SART1: variants seen among roughly 807,000 people sequenced by gnomAD.
The protein encoded by SART1 is U4/U6.U5 tri-snRNP-associated protein 1.
A neutral mutation model predicts 105.0 loss-of-function variants in SART1; 28 were observed. The observed-to-expected ratio is 0.27, with a 90% CI of 0.20 to 0.37. SART1 has a LOEUF of 0.37. Ranked by LOEUF, SART1 falls within the 10% of genes least tolerant of loss-of-function variation. The pLI is 1.00. For synonymous variants in SART1, 472 were observed against 462.9 expected (o/e 1.02, Z -0.25); for missense variants, 894 against 1,106.5 (o/e 0.81, Z 2.72).
At chr11:65,977,950 A>AGCCCAGGGCCATGCAAT (rs1855518297) in intron 17 of SART1, 51 bp downstream of exon 17, 3 of 1,582,446 alleles carry the variant, frequency 1.9e-6, no homozygotes, top group Non-Finnish European at 2.6e-6. Context: ...AGGGAGGCCA[A>AGCCCAGGGCCATGCAAT]GCCCAGGGCC....
chr11:65,964,445 G>C, intron 2 of SART1, 70 bp from the exon 3 acceptor site: 3 of 1,569,064 alleles, frequency 1.9e-6, no homozygotes, highest in South Asian at 1.1e-5. Flanking sequence ...TTCTCCTCTT[G>C]TCTGTCTGGA....
intron 12 of SART1, among the ~76,000 whole-genome samples, chr11:65,969,276 C>T (rs1335081756): frequency 6.6e-6 from 1 of 152,110 alleles, no homozygotes; most frequent in East Asian, 1.9e-4. Flanking sequence ...TGGCTGGGTT[C>T]CAGTAATACT....
chr11:65,976,912 T>G lies in SART1; in HGVS notation c.1858-102T>G. The G allele has an allele frequency of 8.5e-7, 1 of 1,179,764 alleles. No homozygotes were observed. Among genetic ancestry groups the G allele is most frequent in the Non-Finnish European group, 1.2e-6 (1 of 802,940 alleles). 73.1% of individuals were successfully genotyped at this position (1,179,764 alleles called of 1,614,324 possible). On this transcript the variant is annotated intron_variant, in intron 14 of 19. Coordinates refer to ENST00000312397, the MANE Select transcript of SART1 (RefSeq NM_005146.5). The surrounding 1 kb of genome is among the most constrained non-coding windows in gnomAD (Gnocchi z 5.1). ...GCGATCTGAGGAGTAAATGAGGAAA[T>G]TAAATGTTGTGGAGGGCTGGTGCCT... is the stretch of plus-strand genomic sequence containing the variant.
Position 65,965,539 on chromosome 11 carries a change from G to C in SART1, c.660+92G>C, listed in dbSNP as rs1211483028. 23 of 1,403,044 alleles carry C rather than the reference G, an allele frequency of 1.6e-5. 2 individuals are homozygous for C. In the South Asian group the frequency reaches 2.4e-4, roughly 15 times the overall value. 86.9% of individuals were successfully genotyped at this position (1,403,044 alleles called of 1,614,324 possible). A position where few individuals can be genotyped will look rare whatever the true frequency, so the allele number is the denominator to read the frequency against. On this transcript the variant is annotated intron_variant, in intron 5 of 19. Coordinates refer to ENST00000312397, the MANE Select transcript of SART1 (RefSeq NM_005146.5). ...GGCCAACCCCAGAGAGGTGAGACGG[G>C]GCTTGGAGAAGGGAAGGGCCGTGGT...
Position 65,965,166 on chromosome 11 carries a change from C to T in SART1, c.502C>T (p.Arg168Trp), listed in dbSNP as rs759390927. 20 of 1,606,376 alleles carry T rather than the reference C, an allele frequency of 1.2e-5. No individual in the cohort carries two copies. The Middle Eastern group carries it at 5.1e-4, about 41-fold the overall frequency. ...PMALRQREEL[R>W]EKLAAAKEKR... Reference sequence around the variant, plus strand: ...GGCCTTGCGACAGCGAGAGGAGCTGCGGGAGAAGCTGGCGGCTGCCAAGGA... The same window carrying T: ...GGCCTTGCGACAGCGAGAGGAGCTGTGGGAGAAGCTGGCGGCTGCCAAGGA... Residue 168 changes from arginine to tryptophan, a missense_variant, in exon 4 of 20, where the codon CGG becomes TGG. By Grantham distance (101) the Arg-to-Trp change is moderately radical. Around this residue, in one of 2 missense-constraint regions of SART1, gnomAD observed 712 missense variants for 778.2 expected, o/e 0.91. Coordinates refer to ENST00000312397, the MANE Select transcript of SART1 (RefSeq NM_005146.5).
intron 10 of SART1, 37 bp from the exon 11 acceptor site, chr11:65,967,434 G>C (rs772553166): frequency 3.3e-5 from 53 of 1,613,576 alleles, no homozygotes; most frequent in Non-Finnish European, 4.4e-5. Context: ...GGGTGGCCTG[G>C]GGACCGGTGC....
intron 12 of SART1, among the ~76,000 whole-genome samples, chr11:65,974,371 C>CAAAA (rs55994535): frequency 3.1e-5 from 2 of 65,250 alleles, no homozygotes; most frequent in Non-Finnish European, 5.6e-5. Context: ...GACTCTGTCT[C>CAAAA]AAAAAAAAAA....
Position 65,979,187 on chromosome 11 carries a change from A to C in SART1, c.*157A>C. On this transcript the variant is annotated 3_prime_UTR_variant, in exon 20 of 20. Coordinates refer to ENST00000312397, the MANE Select transcript of SART1 (RefSeq NM_005146.5). ...CTGCTAGGTGAGACCTGGCCATCAA[A>C]TGACACAAACAACTAAACGATGGAA... 1.1e-6 allele frequency: 1 copy of C among 883,830 alleles called. No homozygotes were observed. Among genetic ancestry groups the C allele is most frequent in the Non-Finnish European group, 1.8e-6 (1 of 561,792 alleles). The allele number at this position is 883,830 out of a possible 1,614,324, so 54.7% of individuals were successfully genotyped here. A position where few individuals can be genotyped will look rare whatever the true frequency, so the allele number is the denominator to read the frequency against.
chr11:65,976,862 G>A lies in SART1; in HGVS notation c.1857+96G>A. 1 of 1,208,594 alleles carries A rather than the reference G, an allele frequency of 8.3e-7. No homozygotes were observed. Among genetic ancestry groups the A allele is most frequent in the Non-Finnish European group, 1.2e-6 (1 of 844,666 alleles). The allele number at this position is 1,208,594 out of a possible 1,614,324, so 74.9% of individuals were successfully genotyped here. On this transcript the variant is annotated intron_variant, in intron 14 of 19. Coordinates refer to ENST00000312397, the MANE Select transcript of SART1 (RefSeq NM_005146.5). The surrounding 1 kb of genome is among the most constrained non-coding windows in gnomAD (Gnocchi z 5.1). ...TCCAGAGCCTCAGCCTCCTCATCCA[G>A]AGTGGGCTCTGCAGACCTCCCAGGG...
At chr11:65,967,942 TG>T in intron 12 of SART1, 121 bp downstream of exon 12, 6 of 802,308 alleles carry the variant, frequency 7.5e-6, no homozygotes, top group African/African-American at 2.0e-5. Flanking sequence ...TTTTGTTTTC[TG>T]GGTTTGTTTT....
At chr11:65,975,843 G>A (rs1431514186) in intron 12 of SART1, among the ~76,000 whole-genome samples, 1 of 152,118 alleles carries the variant, frequency 6.6e-6, no homozygotes. Context: ...CGACAGGAGG[G>A]AAAGCAGAGG....
intron 12 of SART1, among the ~76,000 whole-genome samples, chr11:65,972,987 A>G (rs542705380): frequency 2.6e-5 from 4 of 152,242 alleles, no homozygotes; most frequent in East Asian, 1.9e-4. Flanking sequence ...TGGTCAACAC[A>G]GTGAAACCCT....
intron 12 of SART1, among the ~76,000 whole-genome samples, chr11:65,970,785 AGC>A (rs1855360825): frequency 2.4e-5 from 3 of 127,220 alleles, no homozygotes; most frequent in South Asian, 2.9e-4. Flanking sequence ...GGAATTCATG[AGC>A]TGCTGAGGGA....
rs1409703452 is a variant in SART1, at chr11:65,966,528, C to T, written c.1160C>T (p.Ala387Val). The T allele has an allele frequency of 6.4e-7, 1 of 1,558,488 alleles. No individual in the cohort carries two copies. The highest frequency in any genetic ancestry group is 8.7e-7 in the Non-Finnish European group (1 of 1,153,786). The change falls in exon 9 of 20, where the codon GCC (alanine) becomes GTC (valine). Residue 387 changes from alanine (A) to valine (V), a missense_variant. Coordinates refer to ENST00000312397, the MANE Select transcript of SART1 (RefSeq NM_005146.5). ...CTGAGCACAGTGGGGCCCCGGCTGG[C>T]CTCCGAATACCTCACGCCTGAGGAG... ...QSLSTVGPRL[A>V]SEYLTPEEMV...
Position 65,979,450 on chromosome 11 carries a change from C to G in SART1, c.*420C>G. The G allele has an allele frequency of 4.1e-6, 1 of 245,780 alleles. No homozygotes were observed. The highest frequency in any genetic ancestry group is 8.0e-6 in the Non-Finnish European group (1 of 125,338). The allele number at this position is 245,780 out of a possible 1,614,324, so 15.2% of individuals were successfully genotyped here. ...TTGGGCTTTGGGTAGGGCACAGGTG[C>G]CACCTTCTGTCCTGGCTGTCCTGTG... On this transcript the variant is annotated 3_prime_UTR_variant, in exon 20 of 20. Transcript: ENST00000312397.
Position 65,979,247 on chromosome 11 carries a change from C to CT in SART1, c.*219dup, listed in dbSNP as rs1855543711. ...AGCCCGGGTCCTCTAAGGCTCCTTC[C>CT]TTCTCCCCTGGCTGTCGGTCACACC... is the stretch of plus-strand genomic sequence containing the variant. On this transcript the variant is annotated 3_prime_UTR_variant, in exon 20 of 20. Coordinates refer to ENST00000312397, the MANE Select transcript of SART1 (RefSeq NM_005146.5). 4.8e-6 allele frequency: 3 copies of CT among 629,800 alleles called. No homozygotes were observed. The highest frequency in any genetic ancestry group is 1.8e-5 in the African/African-American group (1 of 54,520). 39.0% of individuals were successfully genotyped at this position (629,800 alleles called of 1,614,324 possible).
In SART1 at chr11:65,978,343, C is replaced by T. The variant is rs1292223875; in HGVS notation, c.2173-257C>T. ...CCAGCCCCAGCGTCCAGGCCCAGCCCCTGCGTGGCAGGTCTCCAGGTTCCC... is the reference window on the plus strand; with the variant it reads ...CCAGCCCCAGCGTCCAGGCCCAGCCTCTGCGTGGCAGGTCTCCAGGTTCCC... On this transcript the variant is annotated intron_variant, in intron 17 of 19. Transcript: ENST00000312397. This position sits in a 1 kb window ranked among gnomAD's most constrained non-coding sequence, Gnocchi z 6.8. The T allele has an allele frequency of 1.6e-5, 9 of 546,062 alleles. No homozygotes were observed. Among genetic ancestry groups the T allele is most frequent in the Non-Finnish European group, 3.0e-5 (9 of 302,638 alleles). 33.8% of individuals were successfully genotyped at this position (546,062 alleles called of 1,614,324 possible). A position where few individuals can be genotyped will look rare whatever the true frequency, so the allele number is the denominator to read the frequency against.
chr11:65,967,374 T>G lies in SART1; in HGVS notation c.1304T>G (p.Phe435Cys). The G allele has an allele frequency of 6.2e-7, 1 of 1,613,992 alleles. No individual in the cohort carries two copies. The highest frequency in any genetic ancestry group is 8.5e-7 in the Non-Finnish European group (1 of 1,179,976). ...PLGDQTQDGD[F>C]GSRLRGRGRR... ...GGGGACCAGACTCAGGATGGGGACT[T>G]TGGTTCCAGGTGGGCTTGGACACGG... The change falls in exon 10 of 20, where the codon TTT (phenylalanine) becomes TGT (cysteine). Residue 435 changes from phenylalanine (F) to cysteine (C), a missense_variant. By Grantham distance (205) the Phe-to-Cys change is radical. Around this residue, in one of 2 missense-constraint regions of SART1, gnomAD observed 712 missense variants for 778.2 expected, o/e 0.91. Coordinates refer to ENST00000312397, the MANE Select transcript of SART1 (RefSeq NM_005146.5).
rs373877874 is a variant in SART1, at chr11:65,967,561, G to A, written c.1404G>A (p.Val468=). 3.7e-4 allele frequency: 602 copies of A among 1,612,764 alleles called. No homozygotes were observed. The highest frequency in any genetic ancestry group is 4.8e-4 in the Non-Finnish European group (567 of 1,180,006). ...CCCTGCCGTCGGACGACACCCGAGT[G>A]GAGAACATGGACATCAGTGATGAGG... ...PQPLPSDDTR[V]ENMDISDEEE... The change falls in exon 11 of 20, where the codon GTG becomes GTA. Residue 468 remains valine (V), a synonymous_variant. Coordinates refer to ENST00000312397, the MANE Select transcript of SART1 (RefSeq NM_005146.5).
Sources: gnomAD v4.1 joint callset for allele counts (sites outside exome capture counted in the v4.1 genomes callset) on GRCh38, gnomAD v4.1.1 for gene constraint, gnomAD v4.1.1 regional missense constraint, Gnocchi (gnomAD v3.1) non-coding constraint, MANE v1.5 for transcripts, NCBI Gene and HGNC (gene_info 2026-07-23, HGNC 2026-07-21) for gene names.